The following SFRP2 variants were observed in gnomAD, a reference collection of about 807,000 sequenced individuals.
The protein encoded by SFRP2 is secreted frizzled related protein 2.
In SFRP2, 16 loss-of-function variants were observed where a neutral mutation model predicts 26.0. The ratio of observed to expected loss-of-function variants is 0.61; its 90% CI spans 0.42 to 0.93. The LOEUF is 0.93. Among genes scored for constraint, SFRP2 ranks in the 40% least tolerant of loss-of-function variants. The probability of loss-of-function intolerance (pLI) is 0.00; values close to 1 mark genes in which losing one functional copy is unlikely to be tolerated. For missense variants in SFRP2, 343 were observed against 392.4 expected (o/e 0.87, Z 1.06); for synonymous variants, 173 against 167.3 (o/e 1.03, Z -0.26).
At position 153,788,816 on chromosome 4, in the gene SFRP2, G is replaced by A. The variant is rs762120819; in HGVS notation, c.20C>T (p.Ser7Leu). 10 of 1,598,984 alleles carry A rather than the reference G, an allele frequency of 6.3e-6. No individual in the cohort carries two copies. The highest frequency in any genetic ancestry group is 8.5e-6 in the Non-Finnish European group (10 of 1,177,766). ...CGAGGCGAGGAAGAGCAGCAGCAGC[G>A]AGCCAGGGCCCTGCAGCATCGTGGG... MLQGPG[S>L]LLLLFLASHC... Residue 7 changes from serine (S) to leucine (L), a missense_variant, in exon 1 of 3, where the codon TCG (serine) becomes TTG (leucine). Physicochemically the swap from Ser to Leu is moderately radical, Grantham distance 145. Transcript: ENST00000274063.
At position 153,788,743 on chromosome 4, in the gene SFRP2, G is replaced by T; in HGVS notation, c.93C>A (p.Pro31=). ...AATTGCTGCGCTTGTAGGAGAAGTC[G>T]GGCTGGCCAAAGAGGAAGAGCCCGC... is the stretch of plus-strand genomic sequence containing the variant. ...SARGLFLFGQ[P]DFSYKRSNCK... The change falls in exon 1 of 3, where the codon CCC becomes CCA. Residue 31 remains proline (P), a synonymous_variant. Coordinates refer to ENST00000274063, the MANE Select transcript of SFRP2 (RefSeq NM_003013.3). 6.2e-7 allele frequency: 1 copy of T among 1,613,168 alleles called. No individual in the cohort carries two copies. The highest frequency in any genetic ancestry group is 8.5e-7 in the Non-Finnish European group (1 of 1,180,014).
rs1431782606 is a variant in SFRP2 at position 153,780,976 on chromosome 4, A to T, written c.*475T>A. ...GAGTCTCAGTCTGGAGCTGATGAAGATGTTGAGATAACAGCCAGCTTTATC... is the reference window on the plus strand; with the variant it reads ...GAGTCTCAGTCTGGAGCTGATGAAGTTGTTGAGATAACAGCCAGCTTTATC... On this transcript the variant is annotated 3_prime_UTR_variant, in exon 3 of 3. Transcript: ENST00000274063. 1 of 166,012 alleles carries T rather than the reference A, an allele frequency of 6.0e-6. No individual in the cohort carries two copies. The highest frequency in any genetic ancestry group is 2.4e-5 in the African/African-American group (1 of 41,742). 10.3% of individuals were successfully genotyped at this position (166,012 alleles called of 1,614,324 possible).
chr4:153,782,630 A>G (rs1432272206), intron 2 of SFRP2, among the ~76,000 whole-genome samples: 1 of 152,240 alleles, frequency 6.6e-6, no homozygotes. Context: ...TAAGGTTAGA[A>G]GGGATCATCC....
rs1468448668 is a variant in SFRP2 at position 153,789,011 on chromosome 4, C to T, written c.-176G>A. On this transcript the variant is annotated 5_prime_UTR_variant, in exon 1 of 3. Transcript: ENST00000274063. ...CGGGACACCGGGAGGACAGCGCGGG[C>T]GAGGCGCTGCAAGCCCGCGCGCAGC... The T allele has an allele frequency of 1.6e-5, 11 of 688,424 alleles. No individual in the cohort carries two copies. The highest frequency in any genetic ancestry group is 3.6e-5 in the Admixed American group (1 of 27,734). 42.6% of individuals were successfully genotyped at this position (688,424 alleles called of 1,614,324 possible).
chr4:153,788,755 G>A lies in SFRP2; in HGVS notation c.81C>T (p.Leu27=). ...CCLGSARGLF[L]FGQPDFSYKR... ...TGTAGGAGAAGTCGGGCTGGCCAAA[G>A]AGGAAGAGCCCGCGCGCCGAGCCCA... The change falls in exon 1 of 3, where the codon CTC becomes CTT. Residue 27 remains leucine, a synonymous_variant. Transcript: ENST00000274063. The A allele has an allele frequency of 6.2e-7, 1 of 1,612,494 alleles. No homozygotes were observed. The highest frequency in any genetic ancestry group is 8.5e-7 in the Non-Finnish European group (1 of 1,180,012).
chr4:153,782,637 ATCCCATTAAAATTGCTT>A (rs1192446921), intron 2 of SFRP2, among the ~76,000 whole-genome samples: 1 of 152,250 alleles, frequency 6.6e-6, no homozygotes, highest in Non-Finnish European at 1.5e-5. Context: ...AGAAGGGATC[ATCCCATTAAAATTGCTT>A]GTTAATACAC....
rs777214656 is a variant in SFRP2, at chr4:153,781,503, C to T, written c.836G>A (p.Gly279Glu). The T allele has an allele frequency of 6.2e-7, 1 of 1,613,962 alleles. No homozygotes were observed. Among genetic ancestry groups the T allele is most frequent in the African/African-American group, 1.3e-5 (1 of 74,888 alleles). ...VITSVKRWQK[G>E]QREFKRISRS... Reference sequence around the variant, plus strand: ...GGAGATGCGCTTGAACTCTCTCTGCCCCTTCTGCCACCGCTTCACCGAGGT... The same window carrying T: ...GGAGATGCGCTTGAACTCTCTCTGCTCCTTCTGCCACCGCTTCACCGAGGT... The change falls in exon 3 of 3, where the codon GGG becomes GAG. Residue 279 changes from glycine (G) to glutamate (E), a missense_variant. Physicochemically the swap from Gly to Glu is moderately conservative, Grantham distance 98. Around this residue, in one of 2 missense-constraint regions of SFRP2, gnomAD observed 92 missense variants for 139.0 expected, o/e 0.66. Transcript: ENST00000274063.
intron 2 of SFRP2, 73 bp from the exon 3 acceptor site, chr4:153,781,828 A>T: frequency 7.6e-7 from 1 of 1,318,876 alleles, no homozygotes. Flanking sequence ...CATTCTGCCA[A>T]CTCGTGTGAC....
At chr4:153,785,813 GTAAA>G (rs1330444422) in intron 2 of SFRP2, 47 bp downstream of exon 2, 12 of 1,231,620 alleles carry the variant, frequency 9.7e-6, no homozygotes, top group Non-Finnish European at 1.4e-5. Context: ...AGTTTTACTG[GTAAA>G]TAAAACTTCT....
intron 1 of SFRP2, among the ~76,000 whole-genome samples, 199 bp downstream of exon 1, chr4:153,788,135 G>T (rs564089335): frequency 2.0e-5 from 3 of 152,198 alleles, no homozygotes; most frequent in Non-Finnish European, 4.4e-5. Context: ...AGGAGAATGC[G>T]CGAGACTTGG....
At chr4:153,781,826 C>A in intron 2 of SFRP2, 71 bp from the exon 3 acceptor site, 1 of 1,360,856 alleles carries the variant, frequency 7.3e-7, no homozygotes, top group Non-Finnish European at 1.0e-6. Context: ...CCCATTCTGC[C>A]AACTCGTGTG....
At chr4:153,784,819 T>A (rs752779074) in intron 2 of SFRP2, among the ~76,000 whole-genome samples, 15 of 152,240 alleles carry the variant, frequency 9.9e-5, no homozygotes, top group East Asian at 1.9e-4. Flanking sequence ...AATACTTTTT[T>A]AAAAGGTACC....
chr4:153,781,519 T>C lies in SFRP2; in HGVS notation c.820A>G (p.Lys274Glu), dbSNP rs1246532190. Reference sequence around the variant, plus strand: ...TCTCTCTGCCCCTTCTGCCACCGCTTCACCGAGGTGATCACCAGCTCCCCA... The same window carrying C: ...TCTCTCTGCCCCTTCTGCCACCGCTCCACCGAGGTGATCACCAGCTCCCCA... ...QGGELVITSVKRWQKGQREFK... is the reference protein window; with the variant it reads ...QGGELVITSVERWQKGQREFK... Residue 274 changes from lysine (K) to glutamate (E), a missense_variant, in exon 3 of 3, where the codon AAG becomes GAG. Around this residue, in one of 2 missense-constraint regions of SFRP2, gnomAD observed 92 missense variants for 139.0 expected, o/e 0.66. Transcript: ENST00000274063. 8 of 1,614,052 alleles carry C rather than the reference T, an allele frequency of 5.0e-6. No homozygotes were observed. In the Admixed American group the frequency reaches 1.0e-4, roughly 20 times the overall value.
chr4:153,788,683 G>T lies in SFRP2; in HGVS notation c.153C>A (p.His51Gln). The T allele has an allele frequency of 6.2e-7, 1 of 1,614,132 alleles. No individual in the cohort carries two copies. The highest frequency in any genetic ancestry group is 8.5e-7 in the Non-Finnish European group (1 of 1,180,008). The stretch of plus-strand genomic sequence containing the variant: ...GCCGCATGTTCTGGTATTCGATGCC[G>T]TGGCACAGCTGCAGGTTGGCAGGGA... The part of the protein sequence containing the change: ...KPIPANLQLC[H>Q]GIEYQNMRLP... Residue 51 changes from histidine (H) to glutamine (Q), a missense_variant, in exon 1 of 3, where the codon CAC becomes CAA. Physicochemically the swap from His to Gln is conservative, Grantham distance 24. Coordinates refer to ENST00000274063, the MANE Select transcript of SFRP2 (RefSeq NM_003013.3).
chr4:153,785,145 A>T (rs1741181289), intron 2 of SFRP2, among the ~76,000 whole-genome samples: 1 of 152,222 alleles, frequency 6.6e-6, no homozygotes, highest in Non-Finnish European at 1.5e-5. Flanking sequence ...TGCTAAAGTA[A>T]ATTTCTAAGC....
At chr4:153,784,878 G>T (rs1741177092) in intron 2 of SFRP2, among the ~76,000 whole-genome samples, 1 of 152,168 alleles carries the variant, frequency 6.6e-6, no homozygotes, top group African/African-American at 2.4e-5. Flanking sequence ...AAGGATAAAA[G>T]CAAGAATGCC....
At chr4:153,781,872 G>T in intron 2 of SFRP2, 117 bp from the exon 3 acceptor site, 1 of 877,862 alleles carries the variant, frequency 1.1e-6, no homozygotes, top group Non-Finnish European at 1.8e-6. Context: ...GCTTCCTAGA[G>T]CTAATGGGAC....
chr4:153,785,910 A>G lies in SFRP2; in HGVS notation c.537T>C (p.Asn179=), dbSNP rs1395996891. The change falls in exon 2 of 3, where the codon AAT becomes AAC. Residue 179 remains asparagine, a synonymous_variant. Coordinates refer to ENST00000274063, the MANE Select transcript of SFRP2 (RefSeq NM_003013.3). ...TTTCCATTATGTCGTTGTCATCATC[A>G]TTTTTATTTTTGCAGGCTTCACATA... ...PKVCEACKNK[N]DDDNDIMETL... 6.2e-7 allele frequency: 1 copy of G among 1,604,832 alleles called. No homozygotes were observed. The highest frequency in any genetic ancestry group is 1.1e-5 in the South Asian group (1 of 89,014).
At position 153,788,719 on chromosome 4, in the gene SFRP2, A is replaced by G. The variant is rs770398211; in HGVS notation, c.117T>C (p.Asn39=). ...GCAGGTTGGCAGGGATGGGCTTGCAATTGCTGCGCTTGTAGGAGAAGTCGG... is the reference window on the plus strand; with the variant it reads ...GCAGGTTGGCAGGGATGGGCTTGCAGTTGCTGCGCTTGTAGGAGAAGTCGG... ...GQPDFSYKRS[N]CKPIPANLQL... The change falls in exon 1 of 3, where the codon AAT becomes AAC. Residue 39 remains asparagine (N), a synonymous_variant. Transcript: ENST00000274063. 3 of 1,613,762 alleles carry G rather than the reference A, an allele frequency of 1.9e-6. No individual in the cohort carries two copies. The highest frequency in any genetic ancestry group is 2.2e-5 in the East Asian group (1 of 44,886).
Sources: gnomAD v4.1 joint callset for allele counts (sites outside exome capture counted in the v4.1 genomes callset) on GRCh38, gnomAD v4.1.1 for gene constraint, gnomAD v4.1.1 regional missense constraint, MANE v1.5 for transcripts, NCBI Gene and HGNC (gene_info 2026-07-23, HGNC 2026-07-21) for gene names.